Variants in BMPR2 observed in about 807,000 individuals in gnomAD.
BMPR2 encodes bone morphogenetic protein receptor type 2, also known as bone morphogenetic protein receptor type-2.
A neutral mutation model predicts 100.8 loss-of-function variants in BMPR2; 29 were observed. That is an observed-to-expected ratio of 0.29 (90% CI 0.21 to 0.39). The LOEUF (loss-of-function observed/expected upper bound fraction) is 0.39, where lower values mean the gene tolerates loss of function less well. Among genes scored for constraint, BMPR2 ranks in the 10% least tolerant of loss-of-function variants. The pLI is 1.00. For missense variants in BMPR2, 1,011 were observed against 1,274.5 expected (o/e 0.79, Z 3.15); for synonymous variants, 382 against 442.3 (o/e 0.86, Z 1.71).
At chr2:202,513,475 T>G (rs1451918950) in intron 3 of BMPR2, among the ~76,000 whole-genome samples, 1 of 152,244 alleles carries the variant, frequency 6.6e-6, no homozygotes, top group Non-Finnish European at 1.5e-5. Flanking sequence ...GATGTTTTAA[T>G]AATTAGGAGC....
chr2:202,462,290 C>T (rs911633505), intron 1 of BMPR2, among the ~76,000 whole-genome samples: 17 of 145,906 alleles, frequency 1.2e-4, no homozygotes, highest in African/African-American at 3.6e-4. Flanking sequence ...AGTGCAGTGG[C>T]GTGGTCTCAG....
Position 202,503,662 on chromosome 2 carries a change from T to C in BMPR2, c.419-10057T>C, listed in dbSNP as rs1156333380. On this transcript the variant is annotated intron_variant, in intron 3 of 12. Transcript: ENST00000374580. The surrounding 1 kb of genome is among the most constrained non-coding windows in gnomAD (Gnocchi z 4.0). ...ATGCCTGAGCCTCCCACCCCCTCCA[T>C]GGGCCCCTGTGCGGCCCGAGCCTCC... 2.0e-5 allele frequency among the ~76,000 whole-genome samples: 3 copies of C among 152,142 alleles called. No homozygotes were observed. The highest frequency in any genetic ancestry group is 4.4e-5 in the Non-Finnish European group (3 of 68,014).
chr2:202,550,286 T>C (rs1466682535), intron 10 of BMPR2, among the ~76,000 whole-genome samples: 1 of 146,354 alleles, frequency 6.8e-6, no homozygotes, highest in Non-Finnish European at 1.5e-5. Flanking sequence ...GGCGGGAGAA[T>C]GGCACGAACC....
intron 3 of BMPR2, among the ~76,000 whole-genome samples, chr2:202,496,688 C>A (rs943837712): frequency 1.3e-5 from 2 of 152,250 alleles, no homozygotes; most frequent in African/African-American, 2.4e-5. Flanking sequence ...TACTTAGGTG[C>A]CTTTTGACCC....
intron 1 of BMPR2, among the ~76,000 whole-genome samples, chr2:202,426,674 G>T (rs1691392494): frequency 6.6e-6 from 1 of 151,886 alleles, no homozygotes; most frequent in Admixed American, 6.6e-5. Context: ...TCGAGGTCAG[G>T]AATTTGAGAC....
chr2:202,438,746 AC>A (rs1691667886), intron 1 of BMPR2, among the ~76,000 whole-genome samples: 1 of 150,484 alleles, frequency 6.6e-6, no homozygotes, highest in Non-Finnish European at 1.5e-5. Context: ...TTGTCTTGGC[AC>A]CCTTGTCAAA....
intron 12 of BMPR2, among the ~76,000 whole-genome samples, chr2:202,556,925 A>G (rs1017415710): frequency 2.6e-5 from 4 of 152,152 alleles, no homozygotes; most frequent in African/African-American, 9.7e-5. Context: ...TCTCTAAAAA[A>G]TACAAAAATT....
intron 12 of BMPR2, among the ~76,000 whole-genome samples, chr2:202,557,915 T>C (rs1433925962): frequency 6.6e-6 from 1 of 152,188 alleles, no homozygotes; most frequent in Non-Finnish European, 1.5e-5. Flanking sequence ...AGTATAATCT[T>C]TGAAACATTT....
rs530421188 is a variant in BMPR2 at position 202,535,355 on chromosome 2, C to T, written c.1276+2623C>T. On this transcript the variant is annotated intron_variant, in intron 9 of 12. Coordinates refer to ENST00000374580, the MANE Select transcript of BMPR2 (RefSeq NM_001204.7). Reference sequence around the variant, plus strand: ...GGGCGGTTGCCAGGCAGAGGGTCTCCTCACTTCTCAGACGGGGCGGCCGGG... The same window carrying T: ...GGGCGGTTGCCAGGCAGAGGGTCTCTTCACTTCTCAGACGGGGCGGCCGGG... Among the ~76,000 whole-genome samples, 289 of 151,034 alleles carry T rather than the reference C, an allele frequency of 1.9e-3. 1 individual carries two copies. The highest frequency in any genetic ancestry group is 3.5e-3 in the Non-Finnish European group (236 of 67,594).
chr2:202,546,275 T>G (rs1369451970), intron 10 of BMPR2, among the ~76,000 whole-genome samples: 1 of 152,220 alleles, frequency 6.6e-6, no homozygotes, highest in African/African-American at 2.4e-5. Flanking sequence ...AAAGAAGCCA[T>G]TTTTGCTTTC....
In BMPR2 at chr2:202,495,409, G is replaced by C. The variant is rs982756783; in HGVS notation, c.419-18310G>C. Among the ~76,000 whole-genome samples, 1 of 152,194 alleles carries C rather than the reference G, an allele frequency of 6.6e-6. No individual in the cohort carries two copies. Among genetic ancestry groups the C allele is most frequent in the African/African-American group, 2.4e-5 (1 of 41,448 alleles). On this transcript the variant is annotated intron_variant, in intron 3 of 12. Transcript: ENST00000374580. The surrounding 1 kb of genome is among the most constrained non-coding windows in gnomAD (Gnocchi z 4.5). ...TTCTGTCGACGGCCTGCCGGCGTGCGGGTGCCTATCGTTGTGCTCTTCTGC... is the reference window on the plus strand; with the variant it reads ...TTCTGTCGACGGCCTGCCGGCGTGCCGGTGCCTATCGTTGTGCTCTTCTGC...
chr2:202,546,948 T>TTGTTC lies in BMPR2; in HGVS notation c.1413+4505_1413+4506insCTGTT, dbSNP rs549948841. ...TTGTTTTGTTTTGTTTTGTTTTGTT[T>TTGTTC]TGTTTTTGTAGAGACAGGGTAGTTG... is the stretch of plus-strand genomic sequence containing the variant. On this transcript the variant is annotated intron_variant, in intron 10 of 12. Coordinates refer to ENST00000374580, the MANE Select transcript of BMPR2 (RefSeq NM_001204.7). Among the ~76,000 whole-genome samples the TTGTTC allele has an allele frequency of 3.2e-3, 441 of 139,920 alleles. 1 individual carries two copies. Among genetic ancestry groups the TTGTTC allele is most frequent in the Middle Eastern group, 7.2e-3 (2 of 278 alleles). The allele number at this position is 139,920 out of a possible 152,430, so 91.8% of individuals were successfully genotyped here.
intron 7 of BMPR2, among the ~76,000 whole-genome samples, chr2:202,527,490 AAAAT>A (rs543053574): frequency 1.6e-3 from 243 of 151,370 alleles, no homozygotes; most frequent in Non-Finnish European, 1.9e-3. Context: ...CTCCATCTCA[AAAAT>A]AAATAAATAG....
chr2:202,496,981 G>A (rs1693044970), intron 3 of BMPR2, among the ~76,000 whole-genome samples: 1 of 152,250 alleles, frequency 6.6e-6, no homozygotes, highest in South Asian at 2.1e-4. Context: ...GTGGGCATGG[G>A]CTTGGCGGGC....
intron 1 of BMPR2, among the ~76,000 whole-genome samples, chr2:202,435,075 A>T (rs2105934258): frequency 6.8e-6 from 1 of 146,366 alleles, no homozygotes; most frequent in East Asian, 1.9e-4. Context: ...AATAAGCTGG[A>T]TAGGCTGGGT....
intron 3 of BMPR2, among the ~76,000 whole-genome samples, chr2:202,501,271 G>A (rs953064932): frequency 6.6e-6 from 1 of 152,164 alleles, no homozygotes; most frequent in African/African-American, 2.4e-5. Context: ...ATTTGAGGGG[G>A]TTCCTTGGAA....
chr2:202,391,156 A>C (rs552805809), intron 1 of BMPR2, among the ~76,000 whole-genome samples: 5 of 151,480 alleles, frequency 3.3e-5, no homozygotes, highest in Non-Finnish European at 7.4e-5. Flanking sequence ...TTGTATTTTT[A>C]GTAGAGACAG....
intron 3 of BMPR2, among the ~76,000 whole-genome samples, chr2:202,483,148 G>A (rs932947828): frequency 6.6e-6 from 1 of 151,974 alleles, no homozygotes; most frequent in Non-Finnish European, 1.5e-5. Flanking sequence ...TTATGTGCTT[G>A]TTGGCCATTT....
chr2:202,404,342 C>T (rs967633787), intron 1 of BMPR2, among the ~76,000 whole-genome samples: 3 of 151,970 alleles, frequency 2.0e-5, no homozygotes, highest in African/African-American at 7.2e-5. Flanking sequence ...CAGGCATGCA[C>T]CACTGCACCC....
Sources: gnomAD v4.1 joint callset for allele counts (sites outside exome capture counted in the v4.1 genomes callset) on GRCh38, gnomAD v4.1.1 for gene constraint, Gnocchi (gnomAD v3.1) non-coding constraint, MANE v1.5 for transcripts, NCBI Gene and HGNC (gene_info 2026-07-23, HGNC 2026-07-21) for gene names.